The following TENM3 variants were observed in gnomAD, a reference collection of about 807,000 sequenced individuals.
TENM3 encodes teneurin-3.
TENM3 carries 63 observed loss-of-function variants against 255.1 expected under a neutral mutation model. The ratio of observed to expected loss-of-function variants is 0.25; its 90% confidence interval spans 0.20 to 0.30. TENM3 has a LOEUF of 0.30. TENM3 is among the 10% of genes least tolerant of loss of function. The probability of loss-of-function intolerance (pLI) is 1.00; values close to 1 mark genes in which losing one functional copy is unlikely to be tolerated. For missense variants in TENM3, 2,929 were observed against 3,461.1 expected, an observed-to-expected ratio of 0.85 and a Z score of 3.86; for synonymous variants, 1,306 against 1,322.3, an observed-to-expected ratio of 0.99 and a Z score of 0.27.
At chr4:181,939,406 T>C in the TENM3 span, among the ~76,000 whole-genome samples, 1 of 152,184 alleles carries the variant, frequency 6.6e-6, no homozygotes, top group Admixed American at 6.5e-5. Flanking sequence ...TTCAGAGTGA[T>C]GTCCTCCATG....
At chr4:181,996,287 G>T in the TENM3 span, among the ~76,000 whole-genome samples, 3 of 150,978 alleles carry the variant, frequency 2.0e-5, no homozygotes, top group Non-Finnish European at 4.4e-5. Context: ...GCTGGTGGGG[G>T]CAGAGACAGT....
At chr4:181,743,394 T>A in the TENM3 span, among the ~76,000 whole-genome samples, 6 of 152,156 alleles carry the variant, frequency 3.9e-5, no homozygotes, top group African/African-American at 1.4e-4. Context: ...GATATCTCAT[T>A]GTGGTTTTGA....
chr4:182,437,222 A>G (rs1772115582), intron 3 of TENM3, among the ~76,000 whole-genome samples: 1 of 152,232 alleles, frequency 6.6e-6, no homozygotes, highest in Non-Finnish European at 1.5e-5. Flanking sequence ...GAAATAGCTG[A>G]GTGAGCTTCT....
intron 1 of TENM3, among the ~76,000 whole-genome samples, chr4:182,245,402 C>G (rs1426350562): frequency 6.6e-6 from 1 of 152,238 alleles, no homozygotes; most frequent in Non-Finnish European, 1.5e-5. Context: ...TTGTGTCACA[C>G]ATTGCTTCTC....
intron 12 of TENM3, among the ~76,000 whole-genome samples, chr4:182,708,606 T>C (rs1378918369): frequency 6.6e-6 from 1 of 152,232 alleles, no homozygotes; most frequent in African/African-American, 2.4e-5. Context: ...GAGACCATCC[T>C]GGCTAACACG....
At chr4:182,090,266 G>A in the TENM3 span, among the ~76,000 whole-genome samples, 1 of 152,212 alleles carries the variant, frequency 6.6e-6, no homozygotes, top group African/African-American at 2.4e-5. Context: ...ATGCAAGGCT[G>A]TGCTTTTACA....
At chr4:181,943,057 G>T in the TENM3 span, among the ~76,000 whole-genome samples, 2 of 152,140 alleles carry the variant, frequency 1.3e-5, no homozygotes, top group Non-Finnish European at 2.9e-5. Context: ...TATTTTGGGA[G>T]TAAAACACCT....
chr4:182,592,970 T>C (rs796229006), intron 3 of TENM3, among the ~76,000 whole-genome samples: 1 of 152,222 alleles, frequency 6.6e-6, no homozygotes, highest in African/African-American at 2.4e-5. Flanking sequence ...AGTTCAACAA[T>C]TGAAAAGGAA....
At chr4:181,623,122 T>G in the TENM3 span, among the ~76,000 whole-genome samples, 3 of 152,140 alleles carry the variant, frequency 2.0e-5, no homozygotes, top group African/African-American at 7.2e-5. Context: ...GCCATTTAAA[T>G]CACACAAAGT....
chr4:181,704,012 G>A, the TENM3 span, among the ~76,000 whole-genome samples: 1 of 152,100 alleles, frequency 6.6e-6, no homozygotes, highest in Non-Finnish European at 1.5e-5. Context: ...ATTCTCCTTG[G>A]TCTTCTCTGG....
the TENM3 span, among the ~76,000 whole-genome samples, chr4:181,803,839 G>A: frequency 1.3e-5 from 2 of 151,412 alleles, no homozygotes; most frequent in African/African-American, 4.9e-5. Context: ...GGGAGGCTGA[G>A]ATGGGAGGAT....
intron 12 of TENM3, among the ~76,000 whole-genome samples, chr4:182,706,631 A>G (rs967635415): frequency 2.6e-5 from 4 of 152,156 alleles, no homozygotes; most frequent in Non-Finnish European, 5.9e-5. Context: ...GTCATTTTAT[A>G]TGGTCATTTT....
intron 3 of TENM3, among the ~76,000 whole-genome samples, chr4:182,460,012 C>T (rs2151383106): frequency 6.6e-6 from 1 of 152,190 alleles, no homozygotes; most frequent in South Asian, 2.1e-4. Flanking sequence ...TCTCAATTAG[C>T]AATAAGGGGA....
rs886593607 is a variant in TENM3, at chr4:182,265,623, G to A, written c.-76+22147G>A. On this transcript the variant is annotated intron_variant, in intron 1 of 27. Transcript: ENST00000511685. ...TGCATGCTGGCCCTGTTCCTCCAAC[G>A]GCTCCACCCTGAAGCCAGTCATCCA... 3.9e-5 allele frequency among the ~76,000 whole-genome samples: 6 copies of A among 152,068 alleles called. No homozygotes were observed. The East Asian group carries it at 7.7e-4, about 20-fold the overall frequency.
chr4:181,471,898 C>T, the TENM3 span, among the ~76,000 whole-genome samples: 58 of 152,176 alleles, frequency 3.8e-4, no homozygotes, highest in East Asian at 0.011. Flanking sequence ...TGCAGAAGCA[C>T]AATTGCAGGA....
the TENM3 span, among the ~76,000 whole-genome samples, chr4:181,674,924 G>C: frequency 3.9e-5 from 6 of 152,028 alleles, no homozygotes; most frequent in East Asian, 1.9e-4. Flanking sequence ...CTCAAAAGTT[G>C]AATTACAAAC....
rs1463227871 is a variant in TENM3 at position 182,793,086 on chromosome 4, C to CCAAA, written c.6417_6420dup (p.Val2141AsnfsTer6). Reference sequence around the variant, plus strand: ...ATGAATATGATGTTGATGGACAGCTCCAAACAGTTTACCTCAATGAAAAGA... The same window carrying CCAAA: ...ATGAATATGATGTTGATGGACAGCTCCAAACAAACAGTTTACCTCAATGAAAAGA... On this transcript the variant is annotated frameshift_variant, in exon 26 of 28. Transcript: ENST00000511685. LOFTEE classifies it high-confidence loss of function. The surrounding 1 kb of genome is among the most constrained non-coding windows in gnomAD (Gnocchi z 5.7). The CCAAA allele has an allele frequency of 6.2e-7, 1 of 1,613,954 alleles. No homozygotes were observed. Among genetic ancestry groups the CCAAA allele is most frequent in the Non-Finnish European group, 8.5e-7 (1 of 1,179,898 alleles).
At chr4:182,597,183 G>T (rs144541004) in intron 3 of TENM3, among the ~76,000 whole-genome samples, 2 of 152,096 alleles carry the variant, frequency 1.3e-5, no homozygotes, top group African/African-American at 4.8e-5. Context: ...CGGGAGGATC[G>T]CTTGAGCCCA....
At chr4:182,249,888 G>C (rs897077813) in intron 1 of TENM3, among the ~76,000 whole-genome samples, 3 of 151,768 alleles carry the variant, frequency 2.0e-5, no homozygotes, top group African/African-American at 7.3e-5. Flanking sequence ...CCAGCCTCCC[G>C]AGTAGCTGAG....
Sources: gnomAD v4.1 joint callset for allele counts (sites outside exome capture counted in the v4.1 genomes callset) on GRCh38, gnomAD v4.1.1 for gene constraint, Gnocchi (gnomAD v3.1) non-coding constraint, MANE v1.5 for transcripts, NCBI Gene and HGNC (gene_info 2026-07-23, HGNC 2026-07-21) for gene names.